Variants in RTEL1 observed in about 807,000 individuals in gnomAD.
The protein encoded by RTEL1 is regulator of telomere elongation helicase 1, also known as regulator of telomere length.
A neutral mutation model predicts 162.2 loss-of-function variants in RTEL1; 86 were observed. That is an observed-to-expected ratio of 0.53 (90% CI 0.45 to 0.63). RTEL1 has a LOEUF of 0.63. Ranked by LOEUF, RTEL1 falls within the 30% of genes least tolerant of loss-of-function variation. RTEL1 has a pLI of 0.00. For missense variants in RTEL1, 1,941 were observed against 1,750.2 expected (o/e 1.11, Z -1.95); for synonymous variants, 958 against 717.9 (o/e 1.33, Z -5.35).
At position 63,679,833 on chromosome 20, in the gene RTEL1, T is replaced by G. The variant is rs758816933; in HGVS notation, c.1038-16T>G. 3.0e-5 allele frequency: 48 copies of G among 1,604,246 alleles called. No homozygotes were observed. Among genetic ancestry groups the G allele is most frequent in the African/African-American group, 4.0e-5 (3 of 74,740 alleles). ...TCCCCCCGCCAGGCTCGAGCCTGCCTTCTTCTCCTCGGCAGCTACATCTTT... is the reference window on the plus strand; with the variant it reads ...TCCCCCCGCCAGGCTCGAGCCTGCCGTCTTCTCCTCGGCAGCTACATCTTT... On this transcript the variant is annotated splice_polypyrimidine_tract_variant and intron_variant, in intron 12 of 34. Coordinates refer to ENST00000360203, the MANE Select transcript of RTEL1 (RefSeq NM_001283009.2).
Position 63,690,774 on chromosome 20 carries a change from G to C in RTEL1, c.2414-31G>C. On this transcript the variant is annotated intron_variant, in intron 26 of 34. Coordinates refer to ENST00000360203, the MANE Select transcript of RTEL1 (RefSeq NM_001283009.2). Reference sequence around the variant, plus strand: ...GGGACCCCAGCTGGGGCCCCCCGTGGGCTTCACTGCGCACTCGGGTGCCCC... The same window carrying C: ...GGGACCCCAGCTGGGGCCCCCCGTGCGCTTCACTGCGCACTCGGGTGCCCC... 3 of 1,579,110 alleles carry C rather than the reference G, an allele frequency of 1.9e-6. No homozygotes were observed. In the South Asian group the frequency reaches 3.4e-5, roughly 18 times the overall value.
intron 7 of RTEL1, among the ~76,000 whole-genome samples, chr20:63,666,363 A>G (rs2090127432): frequency 1.3e-5 from 2 of 152,246 alleles, no homozygotes; most frequent in African/African-American, 2.4e-5. Context: ...TTGTCTGCAC[A>G]GACTGTCCTG....
At chr20:63,679,707 C>T (rs533434099) in intron 12 of RTEL1, 142 bp from the exon 13 acceptor site, 75 of 700,002 alleles carry the variant, frequency 1.1e-4, no homozygotes, top group Middle Eastern at 3.8e-4. Flanking sequence ...CCTCCAGGCT[C>T]GAGCCTGTTT....
At chr20:63,678,688 CG>C (rs531265118) in intron 12 of RTEL1, among the ~76,000 whole-genome samples, 1 of 134,832 alleles carries the variant, frequency 7.4e-6, no homozygotes, top group African/African-American at 2.8e-5. Flanking sequence ...CACACACCCA[CG>C]GAACAGCACA....
At chr20:63,694,009 G>A (rs971251464) in intron 30 of RTEL1, among the ~76,000 whole-genome samples, 23 of 151,934 alleles carry the variant, frequency 1.5e-4, no homozygotes, top group South Asian at 4.2e-4. Context: ...ATCTGTGTTC[G>A]TGTGTTAATG....
chr20:63,695,539 CCT>C lies in RTEL1; in HGVS notation c.3715_3716del (p.Ala1240ArgfsTer21), dbSNP rs1363658406. The C allele has an allele frequency of 1.2e-6, 2 of 1,612,378 alleles. No homozygotes were observed. Among genetic ancestry groups the C allele is most frequent in the East Asian group, 2.2e-5 (1 of 44,860 alleles). ...QQATGAPGGPLSAGCVCQGCG... is the reference protein window; with the variant it reads ...QQATGAPGGPXSAGCVCQGCG... Reference sequence around the variant, plus strand: ...AGGCCACGGGAGCTCCGGGCGGGCCCCTCTCAGCAGGCTGTGTGTGCCAGGGC... The same window carrying C: ...AGGCCACGGGAGCTCCGGGCGGGCCCCTCAGCAGGCTGTGTGTGCCAGGGC... On this transcript the variant is annotated frameshift_variant, in exon 34 of 35. Coordinates refer to ENST00000360203, the MANE Select transcript of RTEL1 (RefSeq NM_001283009.2). LOFTEE classifies it high-confidence loss of function.
chr20:63,680,883 C>G (rs961653344), intron 14 of RTEL1, 164 bp downstream of exon 14: 4 of 980,022 alleles, frequency 4.1e-6, no homozygotes, highest in Non-Finnish European at 4.8e-6. Context: ...GTGCCCTAAA[C>G]CCACACTGGG....
intron 16 of RTEL1, 50 bp from the exon 17 acceptor site, chr20:63,687,588 C>G (rs755181329): frequency 3.8e-5 from 59 of 1,544,770 alleles, no homozygotes; most frequent in Non-Finnish European, 5.1e-5. Context: ...TGGTCAGGCC[C>G]CCAGTCCCGT....
chr20:63,680,827 C>T (rs2090463973), intron 14 of RTEL1, 108 bp downstream of exon 14: 1 of 1,541,320 alleles, frequency 6.5e-7, no homozygotes, highest in South Asian at 1.2e-5. Flanking sequence ...GGAGAAAGGC[C>T]CCTACACCAC....
intron 7 of RTEL1, among the ~76,000 whole-genome samples, chr20:63,666,992 A>C (rs974529742): frequency 1.3e-5 from 2 of 151,736 alleles, no homozygotes; most frequent in Non-Finnish European, 2.9e-5. Flanking sequence ...GGTGCCCGCC[A>C]CCACGTCTGG....
At chr20:63,679,990 A>T in intron 13 of RTEL1, 44 bp downstream of exon 13, 1 of 1,422,656 alleles carries the variant, frequency 7.0e-7, no homozygotes, top group Non-Finnish European at 9.8e-7. Context: ...AATGTGGCGT[A>T]GGGGGTGCAG....
chr20:63,695,298 C>G (rs538534271), intron 33 of RTEL1, 30 bp from the exon 34 acceptor site: 1 of 1,583,398 alleles, frequency 6.3e-7, no homozygotes, highest in African/African-American at 1.3e-5. Context: ...AAGCCCCAGG[C>G]CCCCCTCAGA....
intron 22 of RTEL1, 68 bp downstream of exon 22, chr20:63,689,200 A>T (rs946827132): frequency 1.4e-5 from 21 of 1,470,124 alleles, no homozygotes; most frequent in Non-Finnish European, 1.9e-5. Context: ...ATGGCTCCCC[A>T]GCAGACTCTG....
chr20:63,668,799 T>C lies in RTEL1; in HGVS notation c.699+1246T>C, dbSNP rs2090191619. Among the ~76,000 whole-genome samples, 2 of 152,148 alleles carry C rather than the reference T, an allele frequency of 1.3e-5. No individual in the cohort carries two copies. Among genetic ancestry groups the C allele is most frequent in the South Asian group, 4.1e-4 (2 of 4,828 alleles). ...AGCTGGTAAGCCGAGTCTAACACTT[T>C]CACGGAAACGCAGAAGATCTAAAAC... On this transcript the variant is annotated intron_variant, in intron 8 of 34. Coordinates refer to ENST00000360203, the MANE Select transcript of RTEL1 (RefSeq NM_001283009.2). This position sits in a 1 kb window ranked among gnomAD's most constrained non-coding sequence, Gnocchi z 4.3.
chr20:63,663,720 T>G (rs1055321067), intron 6 of RTEL1, among the ~76,000 whole-genome samples: 1 of 152,206 alleles, frequency 6.6e-6, no homozygotes, highest in Non-Finnish European at 1.5e-5. Flanking sequence ...CCTGCCTCAG[T>G]TGGGGCTCAA....
In RTEL1 at chr20:63,685,551, G is replaced by A; in HGVS notation, c.1220G>A (p.Gly407Asp). The stretch of plus-strand genomic sequence containing the variant: ...GTGTTCAGTGTGGACCCCTCCGAGG[G>A]CAGCCCTGGTTCCCCAGCAGGGCTG... ...QIVFSVDPSE[G>D]SPGSPAGLGA... Residue 407 changes from glycine to aspartate, a missense_variant, in exon 15 of 35, where the codon GGC (glycine) becomes GAC (aspartate). By Grantham distance (94) the Gly-to-Asp change is moderately conservative. Transcript: ENST00000360203. 1 of 1,612,696 alleles carries A rather than the reference G, an allele frequency of 6.2e-7. No homozygotes were observed. The highest frequency in any genetic ancestry group is 8.5e-7 in the Non-Finnish European group (1 of 1,179,892).
At chr20:63,673,908 T>A in intron 9 of RTEL1, 32 bp from the exon 10 acceptor site, 2 of 1,591,958 alleles carry the variant, frequency 1.3e-6, no homozygotes, top group Non-Finnish European at 1.7e-6. Flanking sequence ...CCTGTCCTGT[T>A]CTGTGGTGAT....
chr20:63,681,589 C>T (rs1341945662), intron 14 of RTEL1: 1 of 985,370 alleles, frequency 1.0e-6, no homozygotes, highest in Non-Finnish European at 1.2e-6. Flanking sequence ...CCCTGGGATG[C>T]ATGGCTGGCC....
chr20:63,678,675 GCACACACACCCACGGAACAGCA>G (rs1569095671), intron 12 of RTEL1, among the ~76,000 whole-genome samples: 4 of 107,470 alleles, frequency 3.7e-5, no homozygotes, highest in East Asian at 2.7e-4. Flanking sequence ...CCACGGAACG[GCACACACACCCACGGAACAGCA>G]CACACACTCC....
Sources: gnomAD v4.1 joint callset for allele counts (sites outside exome capture counted in the v4.1 genomes callset) on GRCh38, gnomAD v4.1.1 for gene constraint, Gnocchi (gnomAD v3.1) non-coding constraint, MANE v1.5 for transcripts, NCBI Gene and HGNC (gene_info 2026-07-23, HGNC 2026-07-21) for gene names.